The following LTBP1 variants were observed in gnomAD, a reference collection of about 807,000 sequenced individuals.
LTBP1 encodes the protein latent transforming growth factor beta binding protein 1, also known as latent-transforming growth factor beta-binding protein 1.
A neutral mutation model predicts 207.6 loss-of-function variants in LTBP1; 129 were observed. That is an observed-to-expected ratio of 0.62 (90% CI 0.54 to 0.72). The LOEUF is 0.72. LTBP1 is among the 30% of genes least tolerant of loss of function. LTBP1 has a pLI of 0.00. For missense variants in LTBP1, 2,281 were observed against 2,217.2 expected, an observed-to-expected ratio of 1.03 and a Z score of -0.58; for synonymous variants, 963 against 833.7, an observed-to-expected ratio of 1.16 and a Z score of -2.67.
chr2:33,268,064 T>C (rs2093227522), intron 15 of LTBP1, among the ~76,000 whole-genome samples: 1 of 152,238 alleles, frequency 6.6e-6, no homozygotes, highest in African/African-American at 2.4e-5. Flanking sequence ...AGTAAAAGAA[T>C]ATTTCTGAAA....
chr2:32,984,433 A>G (rs751157517), intron 2 of LTBP1, among the ~76,000 whole-genome samples: 1 of 152,222 alleles, frequency 6.6e-6, no homozygotes, highest in Non-Finnish European at 1.5e-5. Flanking sequence ...TTTCAAAAAT[A>G]GGAGAGCAAT....
intron 23 of LTBP1, among the ~76,000 whole-genome samples, chr2:33,309,975 C>T (rs1285421889): frequency 2.1e-5 from 3 of 142,340 alleles, no homozygotes; most frequent in Non-Finnish European, 4.5e-5. Flanking sequence ...GAGACAGAGT[C>T]TCGCTCTTGT....
intron 7 of LTBP1, among the ~76,000 whole-genome samples, chr2:33,191,944 A>G (rs996795924): frequency 1.2e-4 from 18 of 152,212 alleles, no homozygotes; most frequent in African/African-American, 4.3e-4. Context: ...TTGGGATTGA[A>G]CACCAAGATG....
chr2:33,086,730 G>A (rs219107), intron 3 of LTBP1, among the ~76,000 whole-genome samples: 73,915 of 151,740 alleles, frequency 0.49, 20,752 homozygotes, highest in East Asian at 0.65. Context: ...TACTGGCTTT[G>A]TTGGCAAGTT....
intron 6 of LTBP1, among the ~76,000 whole-genome samples, chr2:33,187,532 C>T (rs952790669): frequency 5.3e-5 from 8 of 151,878 alleles, no homozygotes; most frequent in Non-Finnish European, 1.2e-4. Context: ...TCAATTTGTT[C>T]GTCTGTAGAG....
chr2:33,268,579 T>C (rs2148225014), intron 15 of LTBP1, among the ~76,000 whole-genome samples: 1 of 152,384 alleles, frequency 6.6e-6, no homozygotes, highest in Non-Finnish European at 1.5e-5. Context: ...CGCAACATTA[T>C]TGGCATACCA....
At chr2:33,035,604 G>A (rs2075883348) in intron 3 of LTBP1, among the ~76,000 whole-genome samples, 1 of 152,192 alleles carries the variant, frequency 6.6e-6, no homozygotes, top group African/African-American at 2.4e-5. Context: ...TCGGAAGAAT[G>A]GAGAAGAATG....
intron 7 of LTBP1, among the ~76,000 whole-genome samples, chr2:33,202,725 G>T (rs1009338064): frequency 6.6e-6 from 1 of 152,234 alleles, no homozygotes; most frequent in Non-Finnish European, 1.5e-5. Flanking sequence ...GAGGGCAGAG[G>T]TGAATTGTGG....
intron 2 of LTBP1, among the ~76,000 whole-genome samples, chr2:32,949,992 A>T (rs148923380): frequency 1.2e-4 from 19 of 152,258 alleles, no homozygotes; most frequent in African/African-American, 4.3e-4. Flanking sequence ...TGACTATTGA[A>T]CTCAAACCAC....
intron 5 of LTBP1, among the ~76,000 whole-genome samples, chr2:33,139,598 C>G (rs1048131265): frequency 6.6e-6 from 1 of 152,066 alleles, no homozygotes; most frequent in Non-Finnish European, 1.5e-5. Flanking sequence ...GCCTAGAAAG[C>G]GTGTTGTATC....
intron 5 of LTBP1, among the ~76,000 whole-genome samples, chr2:33,179,910 G>T (rs569421894): frequency 6.6e-6 from 1 of 152,260 alleles, no homozygotes; most frequent in South Asian, 2.1e-4. Flanking sequence ...GAAATGAACA[G>T]GAATCGGGCC....
intron 7 of LTBP1, among the ~76,000 whole-genome samples, chr2:33,207,705 G>T (rs1196060559): frequency 6.6e-6 from 1 of 152,192 alleles, no homozygotes; most frequent in Non-Finnish European, 1.5e-5. Flanking sequence ...GATCAAATAT[G>T]TTGCTCTAGT....
chr2:33,134,674 C>T lies in LTBP1; in HGVS notation c.1034-119C>T, dbSNP rs535635793. The stretch of plus-strand genomic sequence containing the variant: ...AAACCTGTCGGGTTGTGGGCTCTCT[C>T]TTTTCCCCTCTTGCTCCTTTCTTTT... On this transcript the variant is annotated intron_variant, in intron 4 of 33. Coordinates refer to ENST00000404816, the MANE Select transcript of LTBP1 (RefSeq NM_206943.4). The surrounding 1 kb of genome is among the most constrained non-coding windows in gnomAD (Gnocchi z 4.4). 117 of 1,587,146 alleles carry T rather than the reference C, an allele frequency of 7.4e-5. No individual in the cohort carries two copies. The East Asian group carries it at 2.5e-3, about 34-fold the overall frequency.
intron 3 of LTBP1, chr2:33,063,195 A>G (rs1471941107): frequency 6.6e-6 from 1 of 152,032 alleles, no homozygotes; most frequent in Non-Finnish European, 1.5e-5. Flanking sequence ...TTGCTGTTCG[A>G]ATTATAGAAT....
rs949673279 is a variant in LTBP1 at position 33,360,052 on chromosome 2, A to AT, written c.4001-542dup. 6.6e-4 allele frequency among the ~76,000 whole-genome samples: 100 copies of AT among 152,308 alleles called. 1 individual carries two copies. Among genetic ancestry groups the AT allele is most frequent in the African/African-American group, 2.3e-3 (94 of 41,572 alleles). ...GTCATTCAGTCATATATTTGCAACA[A>AT]TTTAAGTAGTTAGATTTTTCAGTGA... On this transcript the variant is annotated intron_variant, in intron 26 of 33. Transcript: ENST00000404816.
intron 2 of LTBP1, among the ~76,000 whole-genome samples, chr2:32,988,106 T>C (rs190595547): frequency 6.6e-6 from 1 of 152,332 alleles, no homozygotes; most frequent in Non-Finnish European, 1.5e-5. Flanking sequence ...AAGGAACAGC[T>C]TCTCCCTAGG....
chr2:33,187,364 TG>T (rs1329226038), intron 6 of LTBP1, among the ~76,000 whole-genome samples: 1 of 152,168 alleles, frequency 6.6e-6, no homozygotes. Context: ...TGCATGGTAC[TG>T]TTCTGACAAG....
intron 31 of LTBP1, among the ~76,000 whole-genome samples, chr2:33,371,686 A>G (rs1009613925): frequency 3.9e-5 from 6 of 152,230 alleles, no homozygotes; most frequent in Non-Finnish European, 5.9e-5. Context: ...TAACATATAC[A>G]TAGCACAATG....
chr2:33,133,377 C>G (rs187648980), intron 4 of LTBP1, among the ~76,000 whole-genome samples: 8 of 152,290 alleles, frequency 5.3e-5, no homozygotes, highest in African/African-American at 1.7e-4. Context: ...CCACTCCAGT[C>G]ATGGAGTGGC....
Sources: allele counts gnomAD v4.1 joint callset (sites outside exome capture counted in the v4.1 genomes callset), GRCh38; gene constraint gnomAD v4.1.1; non-coding constraint Gnocchi (gnomAD v3.1); transcripts MANE v1.5; gene names NCBI Gene and HGNC (gene_info 2026-07-23, HGNC 2026-07-21).